The following TMPRSS13 variants were observed in gnomAD, a reference collection of about 807,000 sequenced individuals.
TMPRSS13 encodes the protein transmembrane serine protease 13, also known as transmembrane protease serine 13.
Under a neutral mutation model 68.4 loss-of-function variants are expected in TMPRSS13, and 50 were observed. The ratio of observed to expected loss-of-function variants is 0.73; its 90% CI spans 0.58 to 0.93. The LOEUF is 0.93. Ranked by LOEUF, TMPRSS13 falls within the 40% of genes least tolerant of loss-of-function variation. The probability of loss-of-function intolerance (pLI) is 0.00; values close to 1 mark genes in which losing one functional copy is unlikely to be tolerated. For synonymous variants in TMPRSS13, 267 were observed against 285.8 expected (o/e 0.93, Z 0.66); for missense variants, 615 against 729.2 (o/e 0.84, Z 1.80).
chr11:117,909,659 A>C (rs1591619880), intron 8 of TMPRSS13, 147 bp downstream of exon 8: 1 of 939,976 alleles, frequency 1.1e-6, no homozygotes, highest in South Asian at 1.7e-5. Flanking sequence ...CCAGGTGAAC[A>C]CCCAAGCTAC....
At chr11:117,923,953 G>A (rs2057672606) in intron 1 of TMPRSS13, among the ~76,000 whole-genome samples, 1 of 151,250 alleles carries the variant, frequency 6.6e-6, no homozygotes, top group Non-Finnish European at 1.5e-5. Flanking sequence ...TCCAGTTTAA[G>A]CCAATTGGGC....
chr11:117,914,246 C>T lies in TMPRSS13; in HGVS notation c.679+146G>A. On this transcript the variant is annotated intron_variant, in intron 4 of 12. Coordinates refer to ENST00000524993, the MANE Select transcript of TMPRSS13 (RefSeq NM_001077263.3). The surrounding 1 kb of genome is among the most constrained non-coding windows in gnomAD (Gnocchi z 4.2). ...ACACACATACGTGCACACACACATA[C>T]ATGCATACACACAAACATGCACATA... The T allele has an allele frequency of 9.0e-7, 1 of 1,105,340 alleles. No homozygotes were observed. Among genetic ancestry groups the T allele is most frequent in the Non-Finnish European group, 1.3e-6 (1 of 752,890 alleles). The allele number at this position is 1,105,340 out of a possible 1,614,324, so 68.5% of individuals were successfully genotyped here. A position where few individuals can be genotyped will look rare whatever the true frequency, so the allele number is the denominator to read the frequency against.
At chr11:117,920,171 C>T (rs1030077209) in intron 1 of TMPRSS13, among the ~76,000 whole-genome samples, 7 of 152,258 alleles carry the variant, frequency 4.6e-5, no homozygotes, top group East Asian at 3.9e-4. Flanking sequence ...GGCAGCTGGG[C>T]GCCCCAGGCA....
At chr11:117,928,023 G>A (rs931158886) in intron 1 of TMPRSS13, among the ~76,000 whole-genome samples, 8 of 152,168 alleles carry the variant, frequency 5.3e-5, no homozygotes, top group African/African-American at 1.9e-4. Flanking sequence ...CCCTGTCTCA[G>A]GGATGGACTA....
At chr11:117,923,428 GA>G (rs2057667151) in intron 1 of TMPRSS13, among the ~76,000 whole-genome samples, 1 of 135,728 alleles carries the variant, frequency 7.4e-6, no homozygotes, top group Admixed American at 7.0e-5. Flanking sequence ...GCCAGTGAGA[GA>G]GGGGGCCTGA....
chr11:117,919,827 T>C (rs1341237482), intron 1 of TMPRSS13, among the ~76,000 whole-genome samples: 1 of 152,242 alleles, frequency 6.6e-6, no homozygotes, highest in Non-Finnish European at 1.5e-5. Flanking sequence ...CCATGCCTAT[T>C]TGTCTCTGAG....
In TMPRSS13 at chr11:117,901,941, T is replaced by C; in HGVS notation, c.*298A>G. 2.1e-6 allele frequency: 1 copy of C among 479,582 alleles called. No individual in the cohort carries two copies. Among genetic ancestry groups the C allele is most frequent in the South Asian group, 2.4e-5 (1 of 42,484 alleles). The allele number at this position is 479,582 out of a possible 1,614,324, so 29.7% of individuals were successfully genotyped here. On this transcript the variant is annotated 3_prime_UTR_variant, in exon 13 of 13. Transcript: ENST00000524993. ...GGGCTCCACCTCCTCCATCCATCTA[T>C]GGACACTCCTGTAGGAACATCCACG...
At chr11:117,911,049 G>T (rs1334757207) in intron 6 of TMPRSS13, among the ~76,000 whole-genome samples, 1 of 152,188 alleles carries the variant, frequency 6.6e-6, no homozygotes, top group African/African-American at 2.4e-5. Context: ...GGACTTCATT[G>T]TCGCAGCATC....
intron 1 of TMPRSS13, among the ~76,000 whole-genome samples, chr11:117,927,845 T>A (rs12361671): frequency 0.075 from 11,407 of 152,284 alleles, 608 homozygotes; most frequent in East Asian, 0.2. Flanking sequence ...TGGACAATCT[T>A]TTTTTCAGAA....
intron 3 of TMPRSS13, among the ~76,000 whole-genome samples, chr11:117,916,175 T>TAA (rs2134903165): frequency 6.6e-6 from 1 of 152,130 alleles, no homozygotes; most frequent in Non-Finnish European, 1.5e-5. Context: ...TGGCCTGGGG[T>TAA]TTAAAGCTCT....
At chr11:117,917,410 T>C (rs1474783775) in intron 2 of TMPRSS13, 136 bp from the exon 3 acceptor site, 3 of 638,262 alleles carry the variant, frequency 4.7e-6, no homozygotes, top group Non-Finnish European at 8.2e-6. Context: ...AATGAGATTT[T>C]ATGGGGCTCA....
At chr11:117,913,710 T>G in intron 5 of TMPRSS13, 67 bp downstream of exon 5, 397 of 1,565,780 alleles carry the variant, frequency 2.5e-4, no homozygotes, top group Non-Finnish European at 3.2e-4. Flanking sequence ...GCAACATGCT[T>G]GAGACACCCT....
intron 7 of TMPRSS13, chr11:117,910,486 G>T: frequency 1.9e-6 from 1 of 514,924 alleles, no homozygotes; most frequent in South Asian, 3.4e-5. Flanking sequence ...TGGAATAAAA[G>T]GTTGCTGGGC....
chr11:117,911,514 G>A (rs1207732012), intron 6 of TMPRSS13, among the ~76,000 whole-genome samples: 2 of 152,184 alleles, frequency 1.3e-5, no homozygotes, highest in Non-Finnish European at 2.9e-5. Context: ...AATTGCCTCT[G>A]ACGACCTGAT....
rs942155210 is a variant in TMPRSS13 at position 117,904,070 on chromosome 11, C to T, written c.1413G>A (p.Gln471=). 2 of 1,613,966 alleles carry T rather than the reference C, an allele frequency of 1.2e-6. No individual in the cohort carries two copies. The highest frequency in any genetic ancestry group is 2.7e-5 in the African/African-American group (2 of 74,912). ...ATTTCTTGAAGTCGATGAGATTGAC[C>T]TGCACCTCCCGGAGGAAGGGGGATG... ...DKTSPFLREV[Q]VNLIDFKKCN... is the part of the protein sequence containing the mutation. The change falls in exon 11 of 13, where the codon CAG becomes CAA. Residue 471 remains glutamine, a synonymous_variant. Transcript: ENST00000524993.
At chr11:117,907,880 G>A in intron 9 of TMPRSS13, 3 of 948,400 alleles carry the variant, frequency 3.2e-6, no homozygotes, top group Non-Finnish European at 3.7e-6. Flanking sequence ...ACAAATGAGT[G>A]AATGGATGAA....
chr11:117,918,583 G>T lies in TMPRSS13; in HGVS notation c.277C>A (p.Leu93Met), dbSNP rs1264976786. Residue 93 changes from leucine (L) to methionine (M), a missense_variant, in exon 2 of 13, where the codon CTG (leucine) becomes ATG (methionine). Coordinates refer to ENST00000524993, the MANE Select transcript of TMPRSS13 (RefSeq NM_001077263.3). ...QASPARASPA[L>M]ASLSRSSSGR... Reference sequence around the variant, plus strand: ...GATGAGGACCTGGAAAGTGATGCCAGAGCCGGAGATGCCCGGGCTGGAGAT... The same window carrying T: ...GATGAGGACCTGGAAAGTGATGCCATAGCCGGAGATGCCCGGGCTGGAGAT... The T allele has an allele frequency of 1.2e-6, 2 of 1,613,840 alleles. No homozygotes were observed. The highest frequency in any genetic ancestry group is 1.7e-6 in the Non-Finnish European group (2 of 1,179,956).
Position 117,914,187 on chromosome 11 carries a change from A to T in TMPRSS13, c.679+205T>A, listed in dbSNP as rs75204992. ...AATGGGAGGCAATGGACAGGGAATC[A>T]TTGGGTCTGGATTACATACATGCAC... On this transcript the variant is annotated intron_variant, in intron 4 of 12. Transcript: ENST00000524993. This position sits in a 1 kb window ranked among gnomAD's most constrained non-coding sequence, Gnocchi z 4.2. 7.2e-5 allele frequency among the ~76,000 whole-genome samples: 11 copies of T among 152,092 alleles called. No homozygotes were observed. The highest frequency in any genetic ancestry group is 1.6e-4 in the Non-Finnish European group (11 of 68,018).
Position 117,909,824 on chromosome 11 carries a change from G to T in TMPRSS13, c.1091C>A (p.Ala364Asp). ...CACTTACACGAAGAAGCAGTGGGCG[G>T]CAGTGAGCACCCACTGGGCGTCAAT... ...TLIDAQWVLT[A>D]AHCFFVTREK... Residue 364 changes from alanine (A) to aspartate (D), a missense_variant, in exon 8 of 13, where the codon GCC (alanine) becomes GAC (aspartate). By Grantham distance (126) the Ala-to-Asp change is moderately radical. Transcript: ENST00000524993. 1 of 1,611,876 alleles carries T rather than the reference G, an allele frequency of 6.2e-7. No homozygotes were observed. The highest frequency in any genetic ancestry group is 8.5e-7 in the Non-Finnish European group (1 of 1,179,384).
Sources: gnomAD v4.1 joint callset for allele counts (sites outside exome capture counted in the v4.1 genomes callset) on GRCh38, gnomAD v4.1.1 for gene constraint, Gnocchi (gnomAD v3.1) non-coding constraint, MANE v1.5 for transcripts, NCBI Gene and HGNC (gene_info 2026-07-23, HGNC 2026-07-21) for gene names.